C7orf78: variants seen among roughly 807,000 people sequenced by gnomAD.
The protein encoded by C7orf78 is chromosome 7 open reading frame 78, also known as putative uncharacterized protein C7orf78.
At chr7:12,509,185 A>G in the C7orf78 span, among the ~76,000 whole-genome samples, 1 of 152,216 alleles carries the variant, frequency 6.6e-6, no homozygotes, top group South Asian at 2.1e-4. Flanking sequence ...AATACTTTTC[A>G]ATATGTAGGA....
chr7:12,484,590 T>A, the C7orf78 span, among the ~76,000 whole-genome samples: 1 of 152,204 alleles, frequency 6.6e-6, no homozygotes, highest in Non-Finnish European at 1.5e-5. Context: ...GTATAATGTA[T>A]AACGTATACA....
chr7:12,514,368 A>C, the C7orf78 span, among the ~76,000 whole-genome samples: 1 of 147,440 alleles, frequency 6.8e-6, no homozygotes, highest in Non-Finnish European at 1.5e-5. Context: ...AAGTACAGCT[A>C]CTCTTCTTTG....
chr7:12,508,313 C>T, the C7orf78 span, among the ~76,000 whole-genome samples: 3 of 151,920 alleles, frequency 2.0e-5, no homozygotes, highest in African/African-American at 7.3e-5. Flanking sequence ...ACTAAATATG[C>T]TTATTTTTGA....
chr7:12,493,108 G>C, the C7orf78 span, among the ~76,000 whole-genome samples: 1 of 152,120 alleles, frequency 6.6e-6, no homozygotes, highest in South Asian at 2.1e-4. Flanking sequence ...GGACTGAGGT[G>C]AGAGAATTGC....
chr7:12,532,556 A>T, the C7orf78 span, among the ~76,000 whole-genome samples: 488 of 151,604 alleles, frequency 3.2e-3, 3 homozygotes, highest in African/African-American at 0.011. Context: ...TTCAAAAAAA[A>T]AAAAAAGAAA....
At chr7:12,498,844 G>T in the C7orf78 span, among the ~76,000 whole-genome samples, 36 of 151,144 alleles carry the variant, frequency 2.4e-4, 1 homozygote, top group South Asian at 7.6e-3. Context: ...GAAAGGTCGG[G>T]TTACCCTCAA....
chr7:12,530,971 A>C, the C7orf78 span: 1 of 398,092 alleles, frequency 2.5e-6, no homozygotes, highest in African/African-American at 2.1e-5. Context: ...AAGTTAATAC[A>C]TGTCTGCTTT....
At chr7:12,496,171 G>C in the C7orf78 span, among the ~76,000 whole-genome samples, 1 of 151,972 alleles carries the variant, frequency 6.6e-6, no homozygotes, top group African/African-American at 2.4e-5. Flanking sequence ...GTGATCCGCC[G>C]CCCTCGGCCT....
At chr7:12,498,359 C>T in the C7orf78 span, among the ~76,000 whole-genome samples, 2 of 150,734 alleles carry the variant, frequency 1.3e-5, no homozygotes, top group Non-Finnish European at 3.0e-5. Context: ...GAATGTATAA[C>T]TAGAATAACC....
the C7orf78 span, among the ~76,000 whole-genome samples, chr7:12,486,111 C>T: frequency 6.5e-3 from 983 of 152,022 alleles, 14 homozygotes; most frequent in African/African-American, 0.023. Flanking sequence ...GAAATGTAAC[C>T]CCAGAAAATT....
the C7orf78 span, among the ~76,000 whole-genome samples, chr7:12,501,393 C>A: frequency 6.6e-6 from 1 of 151,134 alleles, no homozygotes; most frequent in East Asian, 1.9e-4. Flanking sequence ...TCTCAGGATA[C>A]AAAATCAATG....
chr7:12,498,423 A>T, the C7orf78 span, among the ~76,000 whole-genome samples: 1 of 151,374 alleles, frequency 6.6e-6, no homozygotes, highest in African/African-American at 2.4e-5. Flanking sequence ...AGGCTCGAGA[A>T]CTACGTGAAG....
chr7:12,535,747 C>A, the C7orf78 span, among the ~76,000 whole-genome samples: 2 of 152,196 alleles, frequency 1.3e-5, no homozygotes, highest in Non-Finnish European at 2.9e-5. Context: ...GGTACAGGCA[C>A]TGGGTAAATA....
the C7orf78 span, among the ~76,000 whole-genome samples, chr7:12,531,568 C>G: frequency 6.6e-5 from 10 of 152,126 alleles, no homozygotes; most frequent in African/African-American, 9.7e-5. Context: ...CACAGTCCCT[C>G]ATATCTTCTT....
the C7orf78 span, among the ~76,000 whole-genome samples, chr7:12,509,020 G>C: frequency 1.8e-4 from 28 of 152,312 alleles, no homozygotes; most frequent in African/African-American, 5.8e-4. Flanking sequence ...CACAGTAAGT[G>C]TAATGCATTT....
the C7orf78 span, among the ~76,000 whole-genome samples, chr7:12,517,861 G>A: frequency 5.9e-5 from 9 of 151,984 alleles, no homozygotes; most frequent in African/African-American, 2.2e-4. Context: ...TCAGTATTTT[G>A]AATTCTTTTT....
chr7:12,495,255 C>T, the C7orf78 span, among the ~76,000 whole-genome samples: 14,524 of 152,242 alleles, frequency 0.095, 855 homozygotes, highest in Non-Finnish European at 0.13. Context: ...CCCTATCCCA[C>T]ACTGTGTGAC....
chr7:12,509,893 G>T, the C7orf78 span, among the ~76,000 whole-genome samples: 1 of 152,080 alleles, frequency 6.6e-6, no homozygotes, highest in East Asian at 1.9e-4. Flanking sequence ...AATTAGCCGG[G>T]CGTGGTGGCG....
At chr7:12,538,531 A>T in the C7orf78 span, 1 of 152,264 alleles carries the variant, frequency 6.6e-6, no homozygotes, top group East Asian at 1.9e-4. Flanking sequence ...CTTATGGAGG[A>T]CATTTTTGCG....
Sources: allele counts gnomAD v4.1 joint callset (sites outside exome capture counted in the v4.1 genomes callset), GRCh38; gene constraint gnomAD v4.1.1; transcripts MANE v1.5; gene names NCBI Gene and HGNC (gene_info 2026-07-23, HGNC 2026-07-21).